The following WDR45B variants were observed in gnomAD, a reference collection of about 807,000 sequenced individuals.
WDR45B encodes WD repeat domain 45B, also known as WD repeat domain phosphoinositide-interacting protein 3.
A neutral mutation model predicts 44.6 loss-of-function variants in WDR45B; 20 were observed. That is an observed-to-expected ratio of 0.45 (90% CI 0.32 to 0.65). The LOEUF is 0.65. Ranked by LOEUF, WDR45B falls within the 30% of genes least tolerant of loss-of-function variation. The pLI is 0.05. For missense variants in WDR45B, 323 were observed against 430.2 expected (o/e 0.75, Z 2.20); for synonymous variants, 169 against 164.9 (o/e 1.02, Z -0.19).
At chr17:82,622,679 G>A (rs1228956188) in intron 5 of WDR45B, among the ~76,000 whole-genome samples, 2 of 152,026 alleles carry the variant, frequency 1.3e-5, no homozygotes, top group Non-Finnish European at 2.9e-5. Flanking sequence ...TGATCCACCT[G>A]CCTTGGCCTC....
intron 2 of WDR45B, among the ~76,000 whole-genome samples, chr17:82,643,462 C>T (rs2045941274): frequency 6.6e-6 from 1 of 151,916 alleles, no homozygotes; most frequent in East Asian, 1.9e-4. Context: ...AATAGAGGCC[C>T]AAAGAGGCTG....
intron 1 of WDR45B, 110 bp downstream of exon 1, chr17:82,648,164 C>T: frequency 7.8e-7 from 1 of 1,288,608 alleles, no homozygotes; most frequent in South Asian, 1.4e-5. Context: ...GCCGGGGTCC[C>T]GGGTGGAAGG....
At chr17:82,639,926 C>T (rs868696437) in intron 2 of WDR45B, among the ~76,000 whole-genome samples, 2 of 138,932 alleles carry the variant, frequency 1.4e-5, no homozygotes, top group Non-Finnish European at 3.2e-5. Context: ...AGGTGGGCTG[C>T]TGGGCTGTGT....
At chr17:82,645,619 T>C (rs1190130563) in intron 1 of WDR45B, among the ~76,000 whole-genome samples, 2 of 152,162 alleles carry the variant, frequency 1.3e-5, no homozygotes, top group African/African-American at 4.8e-5. Context: ...CTATCTACTA[T>C]ACTCTCAATT....
intron 3 of WDR45B, among the ~76,000 whole-genome samples, chr17:82,627,572 A>AGG (rs2045715007): frequency 6.6e-6 from 1 of 152,160 alleles, no homozygotes; most frequent in Non-Finnish European, 1.5e-5. Flanking sequence ...TTCCTCTCTC[A>AGG]GTGTGCACAG....
chr17:82,620,903 A>G (rs2045606464), intron 6 of WDR45B, among the ~76,000 whole-genome samples: 2 of 152,188 alleles, frequency 1.3e-5, no homozygotes, highest in African/African-American at 4.8e-5. Context: ...ACACGTTACT[A>G]AGCAGGTAAA....
intron 7 of WDR45B, chr17:82,617,600 C>G: frequency 1.6e-6 from 1 of 621,794 alleles, no homozygotes; most frequent in Non-Finnish European, 2.9e-6. Flanking sequence ...CAGCCACAAT[C>G]CAGTGTATCA....
intron 7 of WDR45B, among the ~76,000 whole-genome samples, chr17:82,617,826 G>A (rs531790356): frequency 3.3e-5 from 5 of 152,346 alleles, no homozygotes; most frequent in South Asian, 2.1e-4. Context: ...GGCATTGGCC[G>A]TGTGCTGTCT....
At chr17:82,629,432 G>A in intron 3 of WDR45B, 1 of 891,540 alleles carries the variant, frequency 1.1e-6, no homozygotes, top group Non-Finnish European at 1.3e-6. Context: ...TCCCTTCTGG[G>A]TGGGCTCCTC....
At chr17:82,643,652 G>A (rs1457807913) in intron 2 of WDR45B, among the ~76,000 whole-genome samples, 1 of 152,124 alleles carries the variant, frequency 6.6e-6, no homozygotes, top group Non-Finnish European at 1.5e-5. Flanking sequence ...TTGAAAAGAG[G>A]TTTCTGCTGC....
intron 6 of WDR45B, among the ~76,000 whole-genome samples, chr17:82,620,444 C>T (rs2045599311): frequency 6.6e-6 from 1 of 151,986 alleles, no homozygotes; most frequent in African/African-American, 2.4e-5. Context: ...AAAAACAAAA[C>T]AAAACAAAAC....
intron 2 of WDR45B, among the ~76,000 whole-genome samples, chr17:82,641,347 G>A (rs2045912948): frequency 6.6e-6 from 1 of 152,138 alleles, no homozygotes; most frequent in South Asian, 2.1e-4. Flanking sequence ...ATGCTGTTGT[G>A]GTGTTATGAG....
intron 1 of WDR45B, among the ~76,000 whole-genome samples, 186 bp downstream of exon 1, chr17:82,648,088 C>A (rs2046004942): frequency 6.7e-6 from 1 of 149,278 alleles, no homozygotes; most frequent in Admixed American, 6.7e-5. Context: ...TGGTCCGGAC[C>A]CCGGCTCGGG....
intron 7 of WDR45B, among the ~76,000 whole-genome samples, chr17:82,618,794 C>T (rs1304399960): frequency 6.6e-6 from 1 of 152,186 alleles, no homozygotes; most frequent in East Asian, 1.9e-4. Flanking sequence ...CCATCAAATA[C>T]TAATAAATGC....
intron 6 of WDR45B, among the ~76,000 whole-genome samples, chr17:82,619,380 C>T (rs8067075): frequency 0.024 from 3,592 of 152,100 alleles, 157 homozygotes; most frequent in African/African-American, 0.081. Context: ...ACCTCCTGAC[C>T]GGGCAGGGTG....
chr17:82,641,893 G>A (rs116546538), intron 2 of WDR45B, among the ~76,000 whole-genome samples: 49 of 151,584 alleles, frequency 3.2e-4, no homozygotes, highest in Non-Finnish European at 4.4e-5. Context: ...GCGAGACAAC[G>A]TCAGAGATAG....
chr17:82,626,423 T>G (rs2143293295), intron 4 of WDR45B, among the ~76,000 whole-genome samples: 1 of 149,180 alleles, frequency 6.7e-6, no homozygotes, highest in Admixed American at 6.7e-5. Context: ...TAGTCCCAGC[T>G]ACTCCGGAGG....
chr17:82,614,587 T>TAGTC lies in WDR45B; in HGVS notation c.*1328_*1331dup, dbSNP rs753057808. On this transcript the variant is annotated 3_prime_UTR_variant, in exon 10 of 10. Transcript: ENST00000392325. ...TTACAGGTCCAGACTACAACAAAAT[T>TAGTC]AGTCACTTTTATTTAAAAGAAACAT... 2.0e-5 allele frequency: 3 copies of TAGTC among 152,642 alleles called. No individual in the cohort carries two copies. The highest frequency in any genetic ancestry group is 2.9e-5 in the Non-Finnish European group (2 of 68,048). 9.5% of individuals were successfully genotyped at this position (152,642 alleles called of 1,614,324 possible). A position where few individuals can be genotyped will look rare whatever the true frequency, so the allele number is the denominator to read the frequency against.
intron 3 of WDR45B, chr17:82,629,557 G>A (rs1021672028): frequency 2.4e-5 from 24 of 985,462 alleles, no homozygotes; most frequent in Non-Finnish European, 2.9e-5. Context: ...ACCGCTCAAA[G>A]GCCAAGATCT....
Sources: gnomAD v4.1 joint callset for allele counts (sites outside exome capture counted in the v4.1 genomes callset) on GRCh38, gnomAD v4.1.1 for gene constraint, MANE v1.5 for transcripts, NCBI Gene and HGNC (gene_info 2026-07-23, HGNC 2026-07-21) for gene names.